Variants in CASK observed in about 807,000 individuals in gnomAD.
CASK encodes peripheral plasma membrane protein CASK.
Under a neutral mutation model 82.9 loss-of-function variants are expected in CASK, and 4 were observed. That is an observed-to-expected ratio of 0.05 (90% confidence interval 0.02 to 0.11). CASK has a LOEUF of 0.11. CASK is among the 10% of genes least tolerant of loss of function. CASK has a pLI of 1.00. For synonymous variants in CASK, 259 were observed against 253.5 expected (o/e 1.02, Z -0.20); for missense variants, 358 against 720.9 (o/e 0.50, Z 5.76).
chrX:41,648,849 C>T (rs1203015809), intron 8 of CASK, among the ~76,000 whole-genome samples: 2 of 111,497 alleles, frequency 1.8e-5, no homozygotes, highest in Non-Finnish European at 3.8e-5. Flanking sequence ...CCTCCTTGTA[C>T]CTCTGGTAGA....
chrX:41,648,718 T>G lies in CASK; in HGVS notation c.831+11721A>C, dbSNP rs1052541289. Among the ~76,000 whole-genome samples the G allele has an allele frequency of 2.7e-5, 3 of 112,053 alleles. No homozygotes were observed. The Admixed American group carries it at 2.8e-4, about 11-fold the overall frequency. On this transcript the variant is annotated intron_variant, in intron 8 of 26. Transcript: ENST00000378163. Reference sequence around the variant, plus strand: ...TAGATATTGGTCTAAAATTCTCCTTTTTTTTGTTGTGTCTCTGCCAGGCTT... The same window carrying G: ...TAGATATTGGTCTAAAATTCTCCTTGTTTTTGTTGTGTCTCTGCCAGGCTT...
intron 20 of CASK, 86 bp downstream of exon 20, chrX:41,555,514 A>G: frequency 1.4e-6 from 1 of 738,431 alleles, no homozygotes; most frequent in Non-Finnish European, 2.1e-6. Context: ...TCCAAAATGC[A>G]AACATTATGG....
At chrX:41,793,314 G>C (rs2069776196) in intron 2 of CASK, among the ~76,000 whole-genome samples, 1 of 111,986 alleles carries the variant, frequency 8.9e-6, no homozygotes, top group African/African-American at 3.2e-5. Flanking sequence ...CACACAGCTA[G>C]TAAGTGGAGG....
In CASK at chrX:41,714,488, C is replaced by A. The variant is rs145731846; in HGVS notation, c.429+24896G>T. ...TTCTCTTACCTTGTATTGTAAAACA[C>A]CCTTGTAGCAATATTAATTGAACAT... On this transcript the variant is annotated intron_variant, in intron 5 of 26. Coordinates refer to ENST00000378163, the MANE Select transcript of CASK (RefSeq NM_001367721.1). Among the ~76,000 whole-genome samples the A allele has an allele frequency of 9.3e-3, 1,040 of 111,919 alleles. 13 individuals are homozygous for A. The highest frequency in any genetic ancestry group is 0.032 in the African/African-American group (985 of 30,774).
chrX:41,914,974 T>C (rs1311780212), intron 1 of CASK, among the ~76,000 whole-genome samples: 1 of 112,141 alleles, frequency 8.9e-6, no homozygotes, highest in Non-Finnish European at 1.9e-5. Flanking sequence ...ATAATATTCA[T>C]TTTGATAAGT....
At chrX:41,681,793 A>G (rs2067359742) in intron 5 of CASK, among the ~76,000 whole-genome samples, 1 of 109,454 alleles carries the variant, frequency 9.1e-6, no homozygotes, top group South Asian at 4.0e-4. Context: ...AAAAACACAA[A>G]AATTAGCCGG....
At chrX:41,606,955 A>C (rs1289626495) in intron 12 of CASK, among the ~76,000 whole-genome samples, 1 of 111,470 alleles carries the variant, frequency 9.0e-6, no homozygotes, top group Non-Finnish European at 1.9e-5. Context: ...GACCTCCCAA[A>C]GTGCTGGGAT....
chrX:41,870,623 A>G (rs1346188564), intron 1 of CASK, among the ~76,000 whole-genome samples: 1 of 112,785 alleles, frequency 8.9e-6, no homozygotes, highest in Non-Finnish European at 1.9e-5. Flanking sequence ...ATTAAAATAT[A>G]TGATAGACAT....
intron 25 of CASK, among the ~76,000 whole-genome samples, chrX:41,530,583 T>C (rs182876467): frequency 8.9e-6 from 1 of 111,981 alleles, no homozygotes; most frequent in Admixed American, 9.5e-5. Flanking sequence ...CCAGGATCAG[T>C]TTCTCACTGG....
intron 5 of CASK, among the ~76,000 whole-genome samples, chrX:41,719,000 A>T (rs2068114103): frequency 8.9e-6 from 1 of 112,407 alleles, no homozygotes; most frequent in Non-Finnish European, 1.9e-5. Flanking sequence ...CAAGGCTGTA[A>T]ATCAATTGTT....
intron 26 of CASK, among the ~76,000 whole-genome samples, chrX:41,521,854 G>C (rs1222421968): frequency 8.9e-6 from 1 of 112,343 alleles, no homozygotes; most frequent in Non-Finnish European, 1.9e-5. Flanking sequence ...TGTAATTGCT[G>C]TGCCCCAGCA....
chrX:41,852,948 C>T, intron 2 of CASK, 167 bp downstream of exon 2: 1 of 457,320 alleles, frequency 2.2e-6, no homozygotes, highest in Non-Finnish European at 3.9e-6. Flanking sequence ...AATACTATGT[C>T]CTAGAATTCT....
chrX:41,728,409 G>A (rs1358559947), intron 5 of CASK: 1 of 132,189 alleles, frequency 7.6e-6, no homozygotes, highest in Non-Finnish European at 1.7e-5. Context: ...GAATACAAGG[G>A]TCAATCTATG....
At chrX:41,568,590 G>A (rs895060979) in intron 16 of CASK, among the ~76,000 whole-genome samples, 1 of 111,632 alleles carries the variant, frequency 9.0e-6, no homozygotes, top group Non-Finnish European at 1.9e-5. Flanking sequence ...AATCATTTTT[G>A]GAACATCCTC....
At chrX:41,905,915 T>C (rs771846191) in intron 1 of CASK, among the ~76,000 whole-genome samples, 1 of 112,765 alleles carries the variant, frequency 8.9e-6, no homozygotes, top group East Asian at 2.8e-4. Flanking sequence ...CATTTCAACC[T>C]TAGAAACTTC....
At chrX:41,833,811 C>T (rs182238076) in intron 2 of CASK, among the ~76,000 whole-genome samples, 58 of 111,763 alleles carry the variant, frequency 5.2e-4, no homozygotes, top group Middle Eastern at 4.7e-3. Flanking sequence ...TGCAGTGGCA[C>T]AATCACAGCT....
intron 3 of CASK, among the ~76,000 whole-genome samples, chrX:41,761,008 T>C (rs1004556076): frequency 9.0e-6 from 1 of 111,468 alleles, no homozygotes; most frequent in Non-Finnish European, 1.9e-5. Context: ...AACTCTGGTA[T>C]GGATGTGTAT....
At chrX:41,701,758 G>A (rs1195534721) in intron 5 of CASK, among the ~76,000 whole-genome samples, 4 of 112,182 alleles carry the variant, frequency 3.6e-5, no homozygotes, top group Admixed American at 9.4e-5. Context: ...CCCACTTCAA[G>A]TTCACATGCA....
At chrX:41,572,912 T>G (rs1305019913) in intron 15 of CASK, among the ~76,000 whole-genome samples, 1 of 110,534 alleles carries the variant, frequency 9.0e-6, no homozygotes, top group Non-Finnish European at 1.9e-5. Flanking sequence ...ACATTTTTAT[T>G]TTGCCTTCTT....
Sources: gnomAD v4.1 joint callset for allele counts (sites outside exome capture counted in the v4.1 genomes callset) on GRCh38, gnomAD v4.1.1 for gene constraint, MANE v1.5 for transcripts, NCBI Gene and HGNC (gene_info 2026-07-23, HGNC 2026-07-21) for gene names.